ALDH1L1: variants seen among roughly 807,000 people sequenced by gnomAD.
ALDH1L1 encodes the protein aldehyde dehydrogenase 1 family member L1, also known as cytosolic 10-formyltetrahydrofolate dehydrogenase.
In ALDH1L1, 68 loss-of-function variants were observed where a neutral mutation model predicts 101.1. That is an observed-to-expected ratio of 0.67 (90% CI 0.55 to 0.82). ALDH1L1 has a LOEUF of 0.82. Ranked by LOEUF, ALDH1L1 falls within the 40% of genes least tolerant of loss-of-function variation. The probability of loss-of-function intolerance (pLI) is 0.00; values close to 1 mark genes in which losing one functional copy is unlikely to be tolerated. For synonymous variants in ALDH1L1, 486 were observed against 470.8 expected (o/e 1.03, Z -0.42); for missense variants, 1,087 against 1,172.7 (o/e 0.93, Z 1.07).
At chr3:126,195,524 C>G (rs1226864532) in intron 1 of ALDH1L1, among the ~76,000 whole-genome samples, 2 of 152,168 alleles carry the variant, frequency 1.3e-5, no homozygotes, top group Non-Finnish European at 2.9e-5. Flanking sequence ...GGACTGTAAA[C>G]TAGTTCAACC....
chr3:126,115,115 G>A (rs920343873), intron 17 of ALDH1L1: 5 of 457,150 alleles, frequency 1.1e-5, no homozygotes, highest in African/African-American at 1.0e-4. Flanking sequence ...CACAGTGCCT[G>A]CACGCAGCTG....
intron 1 of ALDH1L1, 119 bp downstream of exon 1, chr3:126,180,357 G>T: frequency 1.3e-6 from 1 of 757,046 alleles, no homozygotes; most frequent in Non-Finnish European, 1.6e-6. Context: ...CCCCGCAGGA[G>T]CCCTTGCGGT....
chr3:126,117,959 C>A, intron 17 of ALDH1L1, 46 bp downstream of exon 17: 2 of 1,534,738 alleles, frequency 1.3e-6, no homozygotes, highest in South Asian at 1.2e-5. Context: ...ATGTCCCAGG[C>A]GCAGCCCACA....
upstream of ALDH1L1, chr3:126,180,973 T>C (rs2081466413): frequency 1.2e-6 from 2 of 1,610,796 alleles, no homozygotes; most frequent in Non-Finnish European, 1.7e-6. Flanking sequence ...TGCCATGTGC[T>C]ACGGACACAG....
intron 1 of ALDH1L1, among the ~76,000 whole-genome samples, chr3:126,169,026 G>A (rs1017225647): frequency 3.3e-5 from 5 of 152,072 alleles, no homozygotes; most frequent in South Asian, 2.1e-4. Context: ...TTTAACAAGC[G>A]CTCTCAAAGG....
chr3:126,130,200 C>A, intron 14 of ALDH1L1, 23 bp downstream of exon 14: 1 of 1,593,494 alleles, frequency 6.3e-7, no homozygotes, highest in Non-Finnish European at 8.5e-7. Flanking sequence ...CGAGGCTGCA[C>A]CTCGCCCTGG....
At chr3:126,128,403 GT>G (rs2080230823) in intron 14 of ALDH1L1, 1 of 152,184 alleles carries the variant, frequency 6.6e-6, no homozygotes, top group South Asian at 2.1e-4. Context: ...GGACAGGACT[GT>G]TTTATTACCA....
At chr3:126,154,931 C>G (rs750247383) in intron 5 of ALDH1L1, among the ~76,000 whole-genome samples, 1 of 152,200 alleles carries the variant, frequency 6.6e-6, no homozygotes, top group Non-Finnish European at 1.5e-5. Context: ...TACTCAGGCC[C>G]GTCCCATAGG....
At chr3:126,131,086 T>G (rs376839550) in intron 13 of ALDH1L1, among the ~76,000 whole-genome samples, 1 of 152,214 alleles carries the variant, frequency 6.6e-6, no homozygotes, top group Admixed American at 6.5e-5. Flanking sequence ...CACACGGAAC[T>G]GAACTCTGTC....
At chr3:126,176,763 C>T (rs1394377349) in intron 1 of ALDH1L1, among the ~76,000 whole-genome samples, 1 of 152,146 alleles carries the variant, frequency 6.6e-6, no homozygotes, top group African/African-American at 2.4e-5. Flanking sequence ...GCAAAAGACA[C>T]TGTTAAGAGA....
chr3:126,106,268 G>A (rs954306108), intron 21 of ALDH1L1, among the ~76,000 whole-genome samples: 14 of 152,228 alleles, frequency 9.2e-5, no homozygotes, highest in South Asian at 4.1e-4. Context: ...AGACATCAGC[G>A]ATTTGGAGAC....
At chr3:126,143,354 A>G (rs2080605403) in intron 9 of ALDH1L1, among the ~76,000 whole-genome samples, 1 of 152,128 alleles carries the variant, frequency 6.6e-6, no homozygotes, top group African/African-American at 2.4e-5. Flanking sequence ...CACCATGGAT[A>G]TCCTGGACAA....
chr3:126,152,886 CA>C (rs2080833296), intron 7 of ALDH1L1: 1 of 188,498 alleles, frequency 5.3e-6, no homozygotes, highest in Non-Finnish European at 1.1e-5. Flanking sequence ...TGTTGTTAGG[CA>C]GATTAAATTT....
Position 126,158,583 on chromosome 3 carries a change from T to C in ALDH1L1, c.184A>G (p.Lys62Glu). The change falls in exon 3 of 23, where the codon AAA (lysine) becomes GAA (glutamate). Residue 62 changes from lysine to glutamate, a missense_variant. By Grantham distance (56) the Lys-to-Glu change is moderately conservative. Transcript: ENST00000393434. ...PVFKYSRWRA[K>E]GQALPDVVAK... ...ACCACATCAGGCAAAGCCTGTCCTT[T>C]TGCACGCCACCGGGAGTACTTGAAT... is the stretch of plus-strand genomic sequence containing the variant. The C allele has an allele frequency of 5.0e-6, 8 of 1,614,166 alleles. No homozygotes were observed. Among genetic ancestry groups the C allele is most frequent in the Non-Finnish European group, 3.4e-6 (4 of 1,179,994 alleles).
Position 126,157,435 on chromosome 3 carries a change from G to T in ALDH1L1, c.436C>A (p.Leu146Met). Residue 146 changes from leucine (L) to methionine (M), a missense_variant, in exon 4 of 23, where the codon CTG becomes ATG. Coordinates refer to ENST00000393434, the MANE Select transcript of ALDH1L1 (RefSeq NM_012190.4). Reference protein sequence around the residue: ...WADDGLDTGDLLLQKECEVLP... With the variant: ...WADDGLDTGDMLLQKECEVLP... The stretch of plus-strand genomic sequence containing the variant: ...ACCTCACACTCCTTCTGCAGCAGCA[G>T]GTCTCCGGTGTCCAGACCATCATCC... 1 of 1,614,172 alleles carries T rather than the reference G, an allele frequency of 6.2e-7. No individual in the cohort carries two copies. The highest frequency in any genetic ancestry group is 8.5e-7 in the Non-Finnish European group (1 of 1,180,028).
rs549269015 is a variant in ALDH1L1 at position 126,131,601 on chromosome 3, G to C, written c.1473-67C>G. On this transcript the variant is annotated intron_variant, in intron 12 of 22. Transcript: ENST00000393434. ...GCACGGCCTCATCTGCCCTCACAAGGCCCTTCTTCAAGGAGCTGGGGTCCT... is the reference window on the plus strand; with the variant it reads ...GCACGGCCTCATCTGCCCTCACAAGCCCCTTCTTCAAGGAGCTGGGGTCCT... The C allele has an allele frequency of 2.8e-4, 423 of 1,526,994 alleles. 5 individuals are homozygous for C. In the Admixed American group the frequency reaches 7.8e-3, roughly 28 times the overall value. 94.6% of individuals were successfully genotyped at this position (1,526,994 alleles called of 1,614,324 possible).
chr3:126,141,077 G>C (rs747615585), intron 9 of ALDH1L1, among the ~76,000 whole-genome samples: 2 of 151,964 alleles, frequency 1.3e-5, no homozygotes, highest in Non-Finnish European at 2.9e-5. Context: ...TGATACAAAA[G>C]AGCTGGAAGT....
intron 1 of ALDH1L1, among the ~76,000 whole-genome samples, chr3:126,189,927 T>C (rs2081542575): frequency 6.6e-6 from 1 of 152,182 alleles, no homozygotes; most frequent in Admixed American, 6.5e-5. Context: ...TAAAATGCCA[T>C]TTGTTCTTTC....
At chr3:126,187,897 GA>G (rs66586806) in intron 1 of ALDH1L1, among the ~76,000 whole-genome samples, 94,601 of 151,702 alleles carry the variant, frequency 0.62, 29,551 homozygotes, top group Middle Eastern at 0.66. Context: ...CTGTCAAAAA[GA>G]AAAAAACCTT....
Sources: gnomAD v4.1 joint callset for allele counts (sites outside exome capture counted in the v4.1 genomes callset) on GRCh38, gnomAD v4.1.1 for gene constraint, MANE v1.5 for transcripts, NCBI Gene and HGNC (gene_info 2026-07-23, HGNC 2026-07-21) for gene names.